SLC1A6: variants seen among roughly 807,000 people sequenced by gnomAD.
SLC1A6 encodes solute carrier family 1 member 6, also known as excitatory amino acid transporter 4.
In SLC1A6, 15 loss-of-function variants were observed where a neutral mutation model predicts 42.1. That is an observed-to-expected ratio of 0.36 (90% CI 0.24 to 0.55). The LOEUF (loss-of-function observed/expected upper bound fraction) is 0.55. SLC1A6 is among the 20% of genes least tolerant of loss of function. The pLI is 0.88. For missense variants in SLC1A6, 542 were observed against 772.5 expected, an observed-to-expected ratio of 0.70 and a Z score of 3.54; for synonymous variants, 317 against 319.7, an observed-to-expected ratio of 0.99 and a Z score of 0.09.
intron 1 of SLC1A6, among the ~76,000 whole-genome samples, chr19:15,006,813 A>G (rs1012361413): frequency 6.6e-6 from 1 of 152,006 alleles, no homozygotes; most frequent in Admixed American, 6.6e-5. Flanking sequence ...TAAGCTATGC[A>G]TGGTGGCACA....
In SLC1A6 at chr19:14,950,322, G is replaced by A; in HGVS notation, c.1568C>T (p.Ser523Phe). The change falls in exon 10 of 10, where the codon TCT (serine) becomes TTT (phenylalanine). Residue 523 changes from serine to phenylalanine, a missense_variant. Ser to Phe is a radical substitution (Grantham distance 155, BLOSUM62 -2). Transcript: ENST00000594383. ...TTCCTGAAGCTCCAGCTCCCGCTGA[G>A]ACAAGTGCTCGATGACGGCCGCTCC... The part of the protein sequence containing the change: ...SIGAAVIEHL[S>F]QRELELQEAE... The A allele has an allele frequency of 6.2e-7, 1 of 1,612,076 alleles. No individual in the cohort carries two copies. Among genetic ancestry groups the A allele is most frequent in the Non-Finnish European group, 8.5e-7 (1 of 1,178,940 alleles).
intron 6 of SLC1A6, among the ~76,000 whole-genome samples, chr19:14,958,808 T>C (rs1221798027): frequency 1.3e-5 from 2 of 152,218 alleles, no homozygotes; most frequent in African/African-American, 2.4e-5. Context: ...TATAAATTCA[T>C]TGTTCCCAAT....
chr19:14,953,875 T>C (rs1476653767), intron 8 of SLC1A6, among the ~76,000 whole-genome samples: 1 of 152,200 alleles, frequency 6.6e-6, no homozygotes, highest in East Asian at 1.9e-4. Context: ...AGCCATGCTT[T>C]GGAAAACACT....
At chr19:14,970,546 C>A (rs1600007226) in intron 3 of SLC1A6, among the ~76,000 whole-genome samples, 1 of 151,638 alleles carries the variant, frequency 6.6e-6, no homozygotes, top group East Asian at 2.0e-4. Flanking sequence ...CCTGTCTCTA[C>A]TAAAAATACA....
At position 14,962,213 on chromosome 19, in the gene SLC1A6, G is replaced by A. The variant is rs773195255; in HGVS notation, c.724C>T (p.Arg242Trp). 82 of 1,614,052 alleles carry A rather than the reference G, an allele frequency of 5.1e-5. No individual in the cohort carries two copies. In the East Asian group the frequency reaches 5.3e-4, roughly 11 times the overall value. Residue 242 changes from arginine (R) to tryptophan (W), a missense_variant, in exon 6 of 10, where the codon CGG (arginine) becomes TGG (tryptophan). By Grantham distance (101) the Arg-to-Trp change is moderately radical. Transcript: ENST00000594383. ...NGTSFLENVT[R>W]ALGTLQEMLS... ...ATCTCCTGCAGGGTACCCAAGGCCCGAGTGACATTTTCCAGGAAGCTGGTT... is the reference window on the plus strand; with the variant it reads ...ATCTCCTGCAGGGTACCCAAGGCCCAAGTGACATTTTCCAGGAAGCTGGTT...
chr19:14,994,947 C>T (rs2045837930), intron 1 of SLC1A6, among the ~76,000 whole-genome samples: 2 of 152,164 alleles, frequency 1.3e-5, no homozygotes, highest in East Asian at 1.9e-4. Context: ...CATGATATTA[C>T]AGGAAATAAG....
intron 8 of SLC1A6, 68 bp from the exon 9 acceptor site, chr19:14,953,130 G>T: frequency 1.6e-6 from 2 of 1,257,604 alleles, no homozygotes; most frequent in Non-Finnish European, 2.3e-6. Context: ...GAGAGGAAAA[G>T]GACAGAGAGA....
At position 14,968,496 on chromosome 19, in the gene SLC1A6, G is replaced by A. The variant is rs145497857; in HGVS notation, c.355C>T (p.Leu119=). The A allele has an allele frequency of 1.2e-4, 191 of 1,609,924 alleles. No individual in the cohort carries two copies. Among genetic ancestry groups the A allele is most frequent in the Non-Finnish European group, 1.5e-4 (182 of 1,177,788 alleles). The change falls in exon 4 of 10, where the codon CTG becomes TTG. Residue 119 remains leucine (L), a synonymous_variant. Transcript: ENST00000594383. Reference sequence around the variant, plus strand: ...ATCCGCCCCGTGGCCTTGTTGTCCAGGGATGCCATACCTGAAGGACAGATG... The same window carrying A: ...ATCCGCCCCGTGGCCTTGTTGTCCAAGGATGCCATACCTGAAGGACAGATG... ...VSSLVTGMAS[L]DNKATGRMGM... is the part of the protein sequence containing the mutation.
chr19:14,974,639 A>C (rs997623222), intron 1 of SLC1A6: 2 of 152,016 alleles, frequency 1.3e-5, no homozygotes, highest in African/African-American at 4.8e-5. Context: ...AACTGCATTC[A>C]TATAAAGAAA....
rs375797882 is a variant in SLC1A6 at position 14,961,226 on chromosome 19, C to T, written c.935+776G>A. The T allele has an allele frequency of 2.2e-4, 33 of 152,154 alleles. 1 individual carries two copies. Among genetic ancestry groups the T allele is most frequent in the African/African-American group, 7.7e-4 (32 of 41,506 alleles). The allele number at this position is 152,154 out of a possible 1,614,324, so 9.4% of individuals were successfully genotyped here. A position where few individuals can be genotyped will look rare whatever the true frequency, so the allele number is the denominator to read the frequency against. ...CCTGCCTAGATCTTAAGTGTTCTCA[C>T]CACAAAAAAATAAGCATGTGAGGTA... On this transcript the variant is annotated intron_variant, in intron 6 of 9. Transcript: ENST00000594383.
At chr19:15,004,999 C>G (rs1223093226) in intron 1 of SLC1A6, among the ~76,000 whole-genome samples, 36 of 152,216 alleles carry the variant, frequency 2.4e-4, no homozygotes, top group Non-Finnish European at 1.5e-5. Flanking sequence ...TTGCTCACAT[C>G]TGAAACCCCA....
intron 7 of SLC1A6, among the ~76,000 whole-genome samples, chr19:14,956,244 T>C (rs989509061): frequency 2.0e-5 from 3 of 152,044 alleles, no homozygotes; most frequent in African/African-American, 7.2e-5. Flanking sequence ...TCAAAACTGG[T>C]ACCTGGTTCT....
chr19:14,977,606 C>T (rs1175863827), intron 1 of SLC1A6: 1 of 152,168 alleles, frequency 6.6e-6, no homozygotes, highest in Non-Finnish European at 1.5e-5. Flanking sequence ...ATAGCCAGAC[C>T]CTGTCTCTTT....
intron 1 of SLC1A6, among the ~76,000 whole-genome samples, chr19:15,004,202 C>T (rs192124951): frequency 1.3e-5 from 2 of 151,902 alleles, no homozygotes; most frequent in East Asian, 1.9e-4. Flanking sequence ...AATCAGAGAG[C>T]TAATTTCACA....
chr19:14,952,447 T>C (rs1008130835), intron 9 of SLC1A6, among the ~76,000 whole-genome samples: 26 of 151,206 alleles, frequency 1.7e-4, no homozygotes, highest in Non-Finnish European at 2.9e-4. Flanking sequence ...TCCCAGCTAC[T>C]TGGGAGGCTG....
rs1318252030 is a variant in SLC1A6 at position 15,010,493 on chromosome 19, GAC to G, written c.-5_-4del. ...CCTTCTTCCATGCTTACCGACATGC[GAC>G]AGAGTGTGACCTGGACAGCTGGAAG... On this transcript the variant is annotated 5_prime_UTR_variant, in exon 1 of 9. Coordinates refer to the SLC1A6 transcript ENST00000430939. The G allele has an allele frequency of 7.3e-6, 4 of 551,608 alleles. No homozygotes were observed. The African/African-American group carries it at 7.4e-5, about 10-fold the overall frequency. The allele number at this position is 551,608 out of a possible 1,614,324, so 34.2% of individuals were successfully genotyped here. A position where few individuals can be genotyped will look rare whatever the true frequency, so the allele number is the denominator to read the frequency against.
At position 15,004,456 on chromosome 19, in the gene SLC1A6, C is replaced by T. The variant is rs150736009; in HGVS notation, c.6+6029G>A. On this transcript the variant is annotated intron_variant, in intron 1 of 8. Transcript: ENST00000430939. ...GTGGCTTGTGGCCATAATCCCAGCA[C>T]TTTGAGAGGGTGAGGCAGGAGGATG... 7.5e-3 allele frequency among the ~76,000 whole-genome samples: 1,112 copies of T among 147,422 alleles called. 11 individuals are homozygous for T. Among genetic ancestry groups the T allele is most frequent in the African/African-American group, 0.025 (1,016 of 39,872 alleles).
chr19:14,983,009 A>G (rs1317443850), upstream of SLC1A6, among the ~76,000 whole-genome samples: 3 of 152,216 alleles, frequency 2.0e-5, no homozygotes, highest in African/African-American at 7.2e-5. Context: ...TCAAAAGGAA[A>G]CGGAATTTTT....
intron 1 of SLC1A6, among the ~76,000 whole-genome samples, chr19:14,991,152 G>A (rs1214338339): frequency 1.3e-5 from 2 of 152,184 alleles, no homozygotes; most frequent in African/African-American, 4.8e-5. Flanking sequence ...TATATGAAAT[G>A]TCCAGAATAG....
Sources: allele counts gnomAD v4.1 joint callset (sites outside exome capture counted in the v4.1 genomes callset), GRCh38; gene constraint gnomAD v4.1.1; transcripts MANE v1.5; gene names NCBI Gene and HGNC (gene_info 2026-07-23, HGNC 2026-07-21).